Variants in PLCB1 observed in about 807,000 individuals in gnomAD.
The protein encoded by PLCB1 is phospholipase C beta 1, also known as 1-phosphatidylinositol 4,5-bisphosphate phosphodiesterase beta-1.
In PLCB1, 46 loss-of-function variants were observed where a neutral mutation model predicts 161.8. The observed-to-expected ratio is 0.28, with a 90% confidence interval of 0.22 to 0.36. PLCB1 has a LOEUF of 0.36. Ranked by LOEUF, PLCB1 falls within the 10% of genes least tolerant of loss-of-function variation. The probability of loss-of-function intolerance (pLI) is 1.00; values close to 1 mark genes in which losing one functional copy is unlikely to be tolerated. For synonymous variants in PLCB1, 517 were observed against 503.7 expected (o/e 1.03, Z -0.35); for missense variants, 1,016 against 1,472.5 (o/e 0.69, Z 5.07).
At chr20:8,350,066 G>GAA (rs1986133851) in intron 2 of PLCB1, among the ~76,000 whole-genome samples, 1 of 152,100 alleles carries the variant, frequency 6.6e-6, no homozygotes, top group African/African-American at 2.4e-5. Flanking sequence ...ATGAACAATT[G>GAA]GAACTTGAAA....
At chr20:8,498,798 G>A (rs1383874396) in intron 3 of PLCB1, among the ~76,000 whole-genome samples, 1 of 152,172 alleles carries the variant, frequency 6.6e-6, no homozygotes, top group African/African-American at 2.4e-5. Flanking sequence ...GTCAGACTAA[G>A]TTCAGTTAGA....
At chr20:8,501,117 G>T (rs538037468) in intron 3 of PLCB1, among the ~76,000 whole-genome samples, 1 of 152,132 alleles carries the variant, frequency 6.6e-6, no homozygotes, top group African/African-American at 2.4e-5. Flanking sequence ...CAAGAGGCAC[G>T]CACTGTGGAT....
intron 3 of PLCB1, among the ~76,000 whole-genome samples, chr20:8,583,995 G>A (rs959691083): frequency 2.6e-5 from 4 of 152,108 alleles, no homozygotes; most frequent in South Asian, 4.1e-4. Context: ...GAGTGTTTCC[G>A]GGGCAAAAAT....
intron 3 of PLCB1, among the ~76,000 whole-genome samples, chr20:8,397,439 A>T (rs1216953531): frequency 1.3e-5 from 2 of 152,146 alleles, no homozygotes; most frequent in East Asian, 3.9e-4. Flanking sequence ...AGTATAAAAT[A>T]TTCCTTTGCC....
chr20:8,862,468 G>A (rs1198592763), intron 31 of PLCB1, among the ~76,000 whole-genome samples: 1 of 152,146 alleles, frequency 6.6e-6, no homozygotes, highest in Non-Finnish European at 1.5e-5. Context: ...ACCTTAACCT[G>A]AGTGATCACA....
At chr20:8,444,989 T>G (rs1248105057) in intron 3 of PLCB1, among the ~76,000 whole-genome samples, 1 of 152,210 alleles carries the variant, frequency 6.6e-6, no homozygotes, top group Non-Finnish European at 1.5e-5. Flanking sequence ...TCTCCCATTC[T>G]GTAGGTTGTC....
At chr20:8,532,150 A>G (rs1984838009) in intron 3 of PLCB1, among the ~76,000 whole-genome samples, 1 of 152,184 alleles carries the variant, frequency 6.6e-6, no homozygotes, top group Non-Finnish European at 1.5e-5. Flanking sequence ...ATATTTTACA[A>G]TCAATCTACA....
At chr20:8,302,181 G>A (rs1383679382) in intron 2 of PLCB1, among the ~76,000 whole-genome samples, 1 of 152,118 alleles carries the variant, frequency 6.6e-6, no homozygotes, top group Non-Finnish European at 1.5e-5. Flanking sequence ...TTAGTGGAAC[G>A]GTTAGAACCT....
At chr20:8,879,733 G>A (rs920571538) in intron 31 of PLCB1, among the ~76,000 whole-genome samples, 1 of 152,152 alleles carries the variant, frequency 6.6e-6, no homozygotes, top group Admixed American at 6.6e-5. Context: ...AGAGTGAAAG[G>A]AGTTGAACTA....
At chr20:8,747,646 C>T (rs1307679356) in intron 23 of PLCB1, among the ~76,000 whole-genome samples, 1 of 152,104 alleles carries the variant, frequency 6.6e-6, no homozygotes, top group Non-Finnish European at 1.5e-5. Context: ...CTAACACATG[C>T]CTGTAGTCCC....
chr20:8,362,229 A>C (rs941605887), intron 2 of PLCB1, among the ~76,000 whole-genome samples: 2 of 152,198 alleles, frequency 1.3e-5, no homozygotes, highest in African/African-American at 4.8e-5. Context: ...CTTTAAATAT[A>C]TATAGATTAT....
In PLCB1 at chr20:8,253,774, C is replaced by CCT. The variant is rs372972569; in HGVS notation, c.177+103405_177+103406dup. ...TTTTCAACTCCTGGTCCCTTTCCTC[C>CCT]CTCCCCACTCTAGTATTCCCCAGTT... is the stretch of plus-strand genomic sequence containing the variant. On this transcript the variant is annotated intron_variant, in intron 2 of 31. Transcript: ENST00000338037. Among the ~76,000 whole-genome samples, 261 of 151,992 alleles carry CCT rather than the reference C, an allele frequency of 1.7e-3. 2 individuals carry two copies. The highest frequency in any genetic ancestry group is 0.011 in the East Asian group (57 of 5,136).
intron 23 of PLCB1, among the ~76,000 whole-genome samples, chr20:8,745,162 A>G (rs1193581067): frequency 1.3e-5 from 2 of 152,224 alleles, no homozygotes; most frequent in East Asian, 1.9e-4. Context: ...CATTTTTACA[A>G]CTCAAGGAAA....
chr20:8,512,047 A>G (rs1248571738), intron 3 of PLCB1, among the ~76,000 whole-genome samples: 1 of 152,154 alleles, frequency 6.6e-6, no homozygotes. Flanking sequence ...ACAAGCAGGA[A>G]AAGCTTTTGG....
chr20:8,313,261 G>A (rs994821420), intron 2 of PLCB1, among the ~76,000 whole-genome samples: 1 of 151,990 alleles, frequency 6.6e-6, no homozygotes, highest in Admixed American at 6.5e-5. Flanking sequence ...ACATAGACTG[G>A]GCTCAGCTGG....
chr20:8,843,960 C>T (rs1421851864), intron 31 of PLCB1, among the ~76,000 whole-genome samples: 1 of 152,164 alleles, frequency 6.6e-6, no homozygotes, highest in African/African-American at 2.4e-5. Flanking sequence ...TTATTCATTC[C>T]CATCTACCAG....
At chr20:8,599,831 T>A (rs1987480261) in intron 3 of PLCB1, among the ~76,000 whole-genome samples, 5 of 143,820 alleles carry the variant, frequency 3.5e-5, no homozygotes, top group African/African-American at 5.3e-5. Context: ...ACTTCCCTTC[T>A]CGCTTCATTT....
chr20:8,836,071 C>T (rs1025731335), intron 31 of PLCB1, among the ~76,000 whole-genome samples: 5 of 151,958 alleles, frequency 3.3e-5, no homozygotes, highest in Admixed American at 6.6e-5. Flanking sequence ...GTTGGGACAG[C>T]AGGAGTGACG....
At chr20:8,708,788 C>T in intron 12 of PLCB1, 36 bp downstream of exon 12, 1 of 1,229,042 alleles carries the variant, frequency 8.1e-7, no homozygotes, top group Non-Finnish European at 1.2e-6. Flanking sequence ...GAGTCTTTTT[C>T]CCGAATAGGG....
Sources: allele counts gnomAD v4.1 joint callset (sites outside exome capture counted in the v4.1 genomes callset), GRCh38; gene constraint gnomAD v4.1.1; transcripts MANE v1.5; gene names NCBI Gene and HGNC (gene_info 2026-07-23, HGNC 2026-07-21).